The following AGBL5 variants were observed in gnomAD, a reference collection of about 807,000 sequenced individuals.
AGBL5 encodes the protein AGBL carboxypeptidase 5, also known as cytosolic carboxypeptidase-like protein 5.
In AGBL5, 51 loss-of-function variants were observed where a neutral mutation model predicts 88.0. The ratio of observed to expected loss-of-function variants is 0.58; its 90% confidence interval spans 0.46 to 0.73. AGBL5 has a LOEUF of 0.73. Among genes scored for constraint, AGBL5 ranks in the 30% least tolerant of loss-of-function variants. The pLI is 0.00. For missense variants in AGBL5, 1,031 were observed against 1,162.2 expected (o/e 0.89, Z 1.64); for synonymous variants, 446 against 438.8 (o/e 1.02, Z -0.21).
rs1170328757 is a variant in AGBL5 at position 27,064,704 on chromosome 2, A to AT, written c.2090-2780dup. 2.6e-3 allele frequency among the ~76,000 whole-genome samples: 227 copies of AT among 87,680 alleles called. 1 individual carries two copies. The highest frequency in any genetic ancestry group is 8.5e-3 in the African/African-American group (196 of 23,144). The allele number at this position is 87,680 out of a possible 152,430, so 57.5% of individuals were successfully genotyped here. Reference sequence around the variant, plus strand: ...TTCTTCTTTATTCATACAAGTATCGATTTTTTTTTTCCATTCAATTTTTTT... The same window carrying AT: ...TTCTTCTTTATTCATACAAGTATCGATTTTTTTTTTTCCATTCAATTTTTTT... On this transcript the variant is annotated intron_variant, in intron 11 of 14. Coordinates refer to ENST00000360131, the MANE Select transcript of AGBL5 (RefSeq NM_021831.6).
chr2:27,056,264 T>A, intron 7 of AGBL5, 126 bp downstream of exon 7: 1 of 1,025,040 alleles, frequency 9.8e-7, no homozygotes, highest in Non-Finnish European at 1.4e-6. Flanking sequence ...GTAGACTACC[T>A]CTGAAAAAGC....
chr2:27,053,617 G>T lies in AGBL5; in HGVS notation c.387+44G>T. 1 of 1,578,004 alleles carries T rather than the reference G, an allele frequency of 6.3e-7. No homozygotes were observed. ...GGAAAGAAAGACTTGGGTGCTAAAAGTAGAGAGGAAAGTAAAGCGTTTTTT... is the reference window on the plus strand; with the variant it reads ...GGAAAGAAAGACTTGGGTGCTAAAATTAGAGAGGAAAGTAAAGCGTTTTTT... On this transcript the variant is annotated intron_variant, in intron 3 of 14. Coordinates refer to ENST00000360131, the MANE Select transcript of AGBL5 (RefSeq NM_021831.6). The surrounding 1 kb of genome is among the most constrained non-coding windows in gnomAD (Gnocchi z 4.9).
chr2:27,069,297 A>C (rs757144925), intron 13 of AGBL5: 11 of 985,180 alleles, frequency 1.1e-5, no homozygotes, highest in Non-Finnish European at 1.3e-5. Context: ...GTGTTTCTCT[A>C]CTCACCCAGA....
intron 11 of AGBL5, among the ~76,000 whole-genome samples, chr2:27,064,867 C>T (rs1220576875): frequency 6.6e-6 from 1 of 151,000 alleles, no homozygotes; most frequent in Non-Finnish European, 1.5e-5. Flanking sequence ...GATTCTCCTG[C>T]CTCAGCCTCT....
At chr2:27,061,183 C>T (rs983740261) in intron 11 of AGBL5, 1 of 152,052 alleles carries the variant, frequency 6.6e-6, no homozygotes, top group Non-Finnish European at 1.5e-5. Flanking sequence ...CCTGCTTTAG[C>T]CTCCCGAGTA....
At chr2:27,068,772 T>C (rs749352357) in intron 13 of AGBL5, 28 bp downstream of exon 13, 1 of 1,612,366 alleles carries the variant, frequency 6.2e-7, no homozygotes, top group African/African-American at 1.3e-5. Flanking sequence ...CCAGCATAGC[T>C]ACTCTGGCAG....
At position 27,053,836 on chromosome 2, in the gene AGBL5, G is replaced by A; in HGVS notation, c.388-60G>A. On this transcript the variant is annotated intron_variant, in intron 3 of 14. Coordinates refer to ENST00000360131, the MANE Select transcript of AGBL5 (RefSeq NM_021831.6). The surrounding 1 kb of genome is among the most constrained non-coding windows in gnomAD (Gnocchi z 4.9). ...GTGAGGTCAGTTCCTGGTGGTCCCA[G>A]TAGGAGCTCAGTTCTGACAATGGCA... 1.3e-6 allele frequency: 2 copies of A among 1,558,618 alleles called. No homozygotes were observed. The highest frequency in any genetic ancestry group is 1.7e-4 in the Middle Eastern group (1 of 5,790).
In AGBL5 at chr2:27,070,079, T is replaced by C. The variant is rs1472971012; in HGVS notation, c.2490-13T>C. The C allele has an allele frequency of 1.2e-6, 2 of 1,607,426 alleles. No homozygotes were observed. The highest frequency in any genetic ancestry group is 1.7e-6 in the Non-Finnish European group (2 of 1,175,004). ...TTTTCACAGCCCTGATTCCTCTCTC[T>C]TTTCTGTTGCAGGCTGCCTCAGGCC... On this transcript the variant is annotated splice_polypyrimidine_tract_variant and intron_variant, in intron 14 of 14. Transcript: ENST00000360131.
chr2:27,057,491 G>A, intron 9 of AGBL5, 53 bp downstream of exon 9: 1 of 1,538,976 alleles, frequency 6.5e-7, no homozygotes, highest in South Asian at 1.2e-5. Context: ...AGTCTGGAAA[G>A]GCCTTCACTC....
At position 27,069,650 on chromosome 2, in the gene AGBL5, C is replaced by T; in HGVS notation, c.2433C>T (p.Thr811=). The change falls in exon 14 of 15, where the codon ACC becomes ACT. Residue 811 remains threonine, a synonymous_variant. Transcript: ENST00000360131. The stretch of plus-strand genomic sequence containing the variant: ...GCTCTTCAGGCCCCACATCCCCTAC[C>T]CCCCGGACCAGGGAGAGCAGTGAGC... The part of the protein sequence containing the change: ...MKGSSGPTSP[T]PRTRESSELE... 3 of 1,614,200 alleles carry T rather than the reference C, an allele frequency of 1.9e-6. No homozygotes were observed. Among genetic ancestry groups the T allele is most frequent in the Non-Finnish European group, 2.5e-6 (3 of 1,180,020 alleles).
At chr2:27,051,236 A>G (rs890161974), upstream of AGBL5, among the ~76,000 whole-genome samples, 2 of 152,208 alleles carry the variant, frequency 1.3e-5, no homozygotes, top group African/African-American at 2.4e-5. Context: ...CAAATGGTAG[A>G]GCGCTCGCTT....
Position 27,070,287 on chromosome 2 carries a change from G to C in AGBL5, c.*24G>C. The C allele has an allele frequency of 6.2e-7, 1 of 1,609,844 alleles. No homozygotes were observed. The highest frequency in any genetic ancestry group is 8.5e-7 in the Non-Finnish European group (1 of 1,176,152). On this transcript the variant is annotated 3_prime_UTR_variant, in exon 15 of 15. Transcript: ENST00000360131. ...GATAATGCCTTTATGTTCAAGCCCA[G>C]GATATAGCCCCAAGATGGGGTAACA...
rs1668284471 is a variant in AGBL5, at chr2:27,053,572, A to G, written c.386A>G (p.Glu129Gly). The G allele has an allele frequency of 6.2e-7, 1 of 1,609,622 alleles. No individual in the cohort carries two copies. Among genetic ancestry groups the G allele is most frequent in the Non-Finnish European group, 8.5e-7 (1 of 1,178,156 alleles). ...WERIRDRPTF[E>G]MTETQFVLSF... ...CGCATTCGAGACCGGCCCACCTTTG[A>G]GGTAAGTTCTCCATGAGGAGGAAAG... Residue 129 changes from glutamate (E) to glycine (G), a missense_variant and splice_region_variant, in exon 3 of 15, where the codon GAG becomes GGG. Glu to Gly is a moderately conservative substitution (Grantham distance 98). Coordinates refer to ENST00000360131, the MANE Select transcript of AGBL5 (RefSeq NM_021831.6). This position sits in a 1 kb window ranked among gnomAD's most constrained non-coding sequence, Gnocchi z 4.9.
rs375924230 is a variant in AGBL5 at position 27,053,885 on chromosome 2, C to T, written c.388-11C>T. 1.2e-6 allele frequency: 2 copies of T among 1,609,016 alleles called. No individual in the cohort carries two copies. The highest frequency in any genetic ancestry group is 1.3e-5 in the African/African-American group (1 of 74,876). On this transcript the variant is annotated splice_polypyrimidine_tract_variant and intron_variant, in intron 3 of 14. Transcript: ENST00000360131. The surrounding 1 kb of genome is among the most constrained non-coding windows in gnomAD (Gnocchi z 4.9). ...CATGTTGCCCCTCCCTCTTCCTCCTCTGCTCTTCAGATGACAGAGACGCAG... is the reference window on the plus strand; with the variant it reads ...CATGTTGCCCCTCCCTCTTCCTCCTTTGCTCTTCAGATGACAGAGACGCAG...
At chr2:27,052,789 G>C in intron 1 of AGBL5, 124 bp from the exon 2 acceptor site, 2 of 524,736 alleles carry the variant, frequency 3.8e-6, no homozygotes, top group Non-Finnish European at 6.4e-6. Flanking sequence ...TTTTCTAAGA[G>C]GGAGACAGCC....
upstream of AGBL5, among the ~76,000 whole-genome samples, chr2:27,051,244 C>T (rs760188179): frequency 1.7e-4 from 26 of 152,214 alleles, no homozygotes; most frequent in Admixed American, 1.0e-3. Context: ...AGAGCGCTCG[C>T]TTAGCATGCG....
chr2:27,052,901 G>C lies in AGBL5; in HGVS notation c.-46-12G>C, dbSNP rs1668236566. The C allele has an allele frequency of 6.9e-7, 1 of 1,457,950 alleles. No individual in the cohort carries two copies. The highest frequency in any genetic ancestry group is 9.2e-7 in the Non-Finnish European group (1 of 1,088,284). 90.3% of individuals were successfully genotyped at this position (1,457,950 alleles called of 1,614,324 possible). ...CCCTTTCCTCCTTAACCTAACCCTT[G>C]TTTTCCCCCAGCTCTCAGGGCCAGA... On this transcript the variant is annotated splice_polypyrimidine_tract_variant and intron_variant, in intron 1 of 14. Transcript: ENST00000360131.
chr2:27,070,291 A>C lies in AGBL5; in HGVS notation c.*28A>C. The C allele has an allele frequency of 6.2e-7, 1 of 1,608,176 alleles. No individual in the cohort carries two copies. Among genetic ancestry groups the C allele is most frequent in the Non-Finnish European group, 8.5e-7 (1 of 1,174,684 alleles). On this transcript the variant is annotated 3_prime_UTR_variant, in exon 15 of 15. Coordinates refer to ENST00000360131, the MANE Select transcript of AGBL5 (RefSeq NM_021831.6). ...ATGCCTTTATGTTCAAGCCCAGGAT[A>C]TAGCCCCAAGATGGGGTAACAGTGG...
Position 27,059,358 on chromosome 2 carries a change from C to G in AGBL5, c.2043C>G (p.Gly681=). 6.2e-7 allele frequency: 1 copy of G among 1,614,258 alleles called. No individual in the cohort carries two copies. Residue 681 remains glycine, a synonymous_variant, in exon 11 of 15, where the codon GGC becomes GGG. Transcript: ENST00000360131. ...GSRPAGLPGL[G]SSTQKVTHRV... ...GGCCTGCAGGGCTGCCAGGCCTGGG[C>G]TCTAGTACCCAAAAGGTCACCCACC...
Sources: gnomAD v4.1 joint callset for allele counts (sites outside exome capture counted in the v4.1 genomes callset) on GRCh38, gnomAD v4.1.1 for gene constraint, Gnocchi (gnomAD v3.1) non-coding constraint, MANE v1.5 for transcripts, NCBI Gene and HGNC (gene_info 2026-07-23, HGNC 2026-07-21) for gene names.